TANC2: variants seen among roughly 807,000 people sequenced by gnomAD.
TANC2 encodes protein TANC2.
Under a neutral mutation model 210.5 loss-of-function variants are expected in TANC2, and 26 were observed. That is an observed-to-expected ratio of 0.12 (90% CI 0.09 to 0.17). TANC2 has a LOEUF of 0.17. TANC2 is among the 10% of genes least tolerant of loss of function. TANC2 has a pLI of 1.00. For missense variants in TANC2, 2,129 were observed against 2,608.9 expected (o/e 0.82, Z 4.01); for synonymous variants, 931 against 967.1 (o/e 0.96, Z 0.69).
chr17:63,271,905 T>C (rs1479898564), intron 9 of TANC2, among the ~76,000 whole-genome samples: 1 of 152,210 alleles, frequency 6.6e-6, no homozygotes, highest in Non-Finnish European at 1.5e-5. Flanking sequence ...AGGTTGTCTG[T>C]TGACTCTGTT....
At chr17:63,295,322 AG>A (rs1178114867) in intron 9 of TANC2, among the ~76,000 whole-genome samples, 1 of 152,238 alleles carries the variant, frequency 6.6e-6, no homozygotes, top group Non-Finnish European at 1.5e-5. Flanking sequence ...AAAATGTCAA[AG>A]CTTTCTCAGT....
At chr17:63,210,492 T>G (rs2041852404) in intron 7 of TANC2, among the ~76,000 whole-genome samples, 1 of 152,218 alleles carries the variant, frequency 6.6e-6, no homozygotes, top group African/African-American at 2.4e-5. Flanking sequence ...AGTTATATAT[T>G]TATTTTCTTT....
intron 3 of TANC2, among the ~76,000 whole-genome samples, chr17:63,089,723 C>A (rs2037110427): frequency 6.6e-6 from 1 of 152,078 alleles, no homozygotes; most frequent in South Asian, 2.1e-4. Context: ...GGCCAAACCC[C>A]ATTGTTTCAG....
intron 1 of TANC2, among the ~76,000 whole-genome samples, chr17:62,990,538 AC>A (rs1363014599): frequency 1.3e-5 from 2 of 151,672 alleles, no homozygotes; most frequent in Admixed American, 6.6e-5. Flanking sequence ...CCCACCTTGG[AC>A]CCCCAAAGTG....
intron 4 of TANC2, among the ~76,000 whole-genome samples, chr17:63,110,101 T>C (rs1468046915): frequency 6.6e-6 from 1 of 151,682 alleles, no homozygotes; most frequent in African/African-American, 2.4e-5. Context: ...TGACCCCTTA[T>C]CAACTTTCAG....
At chr17:62,998,709 A>T (rs2143681607) in intron 1 of TANC2, among the ~76,000 whole-genome samples, 1 of 152,334 alleles carries the variant, frequency 6.6e-6, no homozygotes, top group South Asian at 2.1e-4. Context: ...TTGCCAAGGG[A>T]ATTCATTACC....
intron 17 of TANC2, among the ~76,000 whole-genome samples, chr17:63,392,248 T>A (rs2048004489): frequency 6.6e-6 from 1 of 152,186 alleles, no homozygotes; most frequent in South Asian, 2.1e-4. Context: ...TCTGAAAGTG[T>A]TTTTGAGCTG....
At chr17:63,263,099 C>A (rs578183889) in intron 8 of TANC2, among the ~76,000 whole-genome samples, 2 of 151,982 alleles carry the variant, frequency 1.3e-5, no homozygotes, top group Non-Finnish European at 2.9e-5. Flanking sequence ...ATAACTAAGA[C>A]GGGAAACATA....
chr17:63,308,012 G>A (rs1392153085), intron 9 of TANC2, among the ~76,000 whole-genome samples: 4 of 152,138 alleles, frequency 2.6e-5, no homozygotes, highest in Middle Eastern at 3.4e-3. Context: ...TGATCTGCCC[G>A]CCTCGGCCTC....
chr17:62,976,718 A>T (rs2032021770), intron 1 of TANC2, among the ~76,000 whole-genome samples: 1 of 152,218 alleles, frequency 6.6e-6, no homozygotes, highest in Admixed American at 6.5e-5. Flanking sequence ...GTAATAAAAA[A>T]AATTAATGTA....
At chr17:63,219,790 AT>A (rs1385936108) in intron 7 of TANC2, among the ~76,000 whole-genome samples, 1 of 151,992 alleles carries the variant, frequency 6.6e-6, no homozygotes, top group African/African-American at 2.4e-5. Context: ...ACATATATCC[AT>A]TTTTTTAGAA....
At chr17:63,395,979 C>G (rs1489402268) in intron 18 of TANC2, 51 bp downstream of exon 18, 18 of 1,491,000 alleles carry the variant, frequency 1.2e-5, no homozygotes, top group Admixed American at 2.3e-5. Context: ...TTGAAGGACC[C>G]AGGAAACCAG....
At chr17:63,119,778 G>A (rs112385049) in intron 4 of TANC2, among the ~76,000 whole-genome samples, 3,199 of 152,222 alleles carry the variant, frequency 0.021, 106 homozygotes, top group African/African-American at 0.072. Context: ...ACTTTGTGAG[G>A]CTGAGATGGG....
chr17:63,081,997 C>T (rs1034724932), intron 3 of TANC2, among the ~76,000 whole-genome samples: 5 of 151,396 alleles, frequency 3.3e-5, no homozygotes, highest in African/African-American at 1.2e-4. Context: ...AACCCCGTCT[C>T]TACTAAAAAT....
intron 9 of TANC2, among the ~76,000 whole-genome samples, chr17:63,310,856 A>G (rs1210574066): frequency 6.6e-6 from 1 of 152,186 alleles, no homozygotes; most frequent in Non-Finnish European, 1.5e-5. Context: ...CTTTCTGGAG[A>G]GCAATTTGGT....
intron 9 of TANC2, among the ~76,000 whole-genome samples, chr17:63,278,744 G>A (rs1200141823): frequency 6.6e-6 from 1 of 152,082 alleles, no homozygotes; most frequent in Non-Finnish European, 1.5e-5. Context: ...AGGATGAATG[G>A]ATCAAGAAAA....
chr17:63,265,006 A>G (rs960161230), intron 8 of TANC2, among the ~76,000 whole-genome samples: 5 of 152,192 alleles, frequency 3.3e-5, no homozygotes, highest in Non-Finnish European at 7.3e-5. Flanking sequence ...ATCACTCCCA[A>G]ATATATTTAC....
chr17:63,160,094 G>A (rs893554634), intron 5 of TANC2, among the ~76,000 whole-genome samples: 2 of 152,096 alleles, frequency 1.3e-5, no homozygotes, highest in Non-Finnish European at 2.9e-5. Context: ...CTTCTTATAG[G>A]GACACTAATC....
At position 63,288,222 on chromosome 17, in the gene TANC2, C is replaced by T. The variant is rs116775996; in HGVS notation, c.1159+20349C>T. 4.2e-3 allele frequency among the ~76,000 whole-genome samples: 645 copies of T among 152,224 alleles called. 6 individuals are homozygous for T. Among genetic ancestry groups the T allele is most frequent in the African/African-American group, 0.014 (561 of 41,526 alleles). The stretch of plus-strand genomic sequence containing the variant: ...ACTCTGTCCCTTGAATTCTCACTGC[C>T]TTGGTCTCCTGGGATTCTCAGCTCC... On this transcript the variant is annotated intron_variant, in intron 9 of 27. Transcript: ENST00000689528.
Sources: gnomAD v4.1 joint callset for allele counts (sites outside exome capture counted in the v4.1 genomes callset) on GRCh38, gnomAD v4.1.1 for gene constraint, MANE v1.5 for transcripts, NCBI Gene and HGNC (gene_info 2026-07-23, HGNC 2026-07-21) for gene names.